Variants in GLG1 observed in about 807,000 individuals in gnomAD.
The protein encoded by GLG1 is golgi glycoprotein 1, also known as Golgi apparatus protein 1.
Under a neutral mutation model 160.5 loss-of-function variants are expected in GLG1, and 38 were observed. The ratio of observed to expected loss-of-function variants is 0.24; its 90% CI spans 0.18 to 0.31. GLG1 has a LOEUF of 0.31. Ranked by LOEUF, GLG1 falls within the 10% of genes least tolerant of loss-of-function variation. The pLI, the probability that GLG1 is intolerant of heterozygous loss-of-function variation, is 1.00. For missense variants in GLG1, 1,373 were observed against 1,505.2 expected (o/e 0.91, Z 1.45); for synonymous variants, 644 against 543.4 (o/e 1.19, Z -2.57).
At chr16:74,593,237 T>C (rs1958223063) in intron 1 of GLG1, among the ~76,000 whole-genome samples, 2 of 152,172 alleles carry the variant, frequency 1.3e-5, no homozygotes, top group South Asian at 2.1e-4. Context: ...AATTAACAGA[T>C]GGCATTACGT....
intron 1 of GLG1, among the ~76,000 whole-genome samples, chr16:74,582,785 A>G (rs1449857260): frequency 6.6e-6 from 1 of 151,936 alleles, no homozygotes; most frequent in African/African-American, 2.4e-5. Flanking sequence ...GCGCCACTGC[A>G]CTCCAGCCTG....
chr16:74,603,629 A>T (rs1424780525), intron 1 of GLG1, among the ~76,000 whole-genome samples: 3 of 151,878 alleles, frequency 2.0e-5, no homozygotes, highest in African/African-American at 7.3e-5. Context: ...TTCGAAATAC[A>T]AGACACTAGT....
Position 74,595,405 on chromosome 16 carries a change from C to T in GLG1, c.438+11252G>A, listed in dbSNP as rs556914984. Among the ~76,000 whole-genome samples, 52 of 151,694 alleles carry T rather than the reference C, an allele frequency of 3.4e-4. No homozygotes were observed. The South Asian group carries it at 0.01, about 30-fold the overall frequency. On this transcript the variant is annotated intron_variant, in intron 1 of 25. Transcript: ENST00000422840. ...ACAAAAAATTAGCCGGTCGTGGTGG[C>T]GGGCGCCTGTAGTCCCAGCTACTCT...
chr16:74,462,386 G>T, intron 21 of GLG1, 102 bp downstream of exon 21: 1 of 1,130,738 alleles, frequency 8.8e-7, no homozygotes, highest in Non-Finnish European at 1.3e-6. Context: ...ATATGAAAAA[G>T]GTCTTGGGAA....
Position 74,496,428 on chromosome 16 carries a change from T to C in GLG1, c.978+13A>G, listed in dbSNP as rs1445863977. ...ATAAAAGGAAGAAAAGAACAGTTTC[T>C]GAGCTGACTCACATTTTCACAAAAA... is the stretch of plus-strand genomic sequence containing the variant. On this transcript the variant is annotated intron_variant, in intron 5 of 25. Transcript: ENST00000422840. 6.4e-7 allele frequency: 1 copy of C among 1,561,318 alleles called. No homozygotes were observed. The highest frequency in any genetic ancestry group is 2.2e-5 in the East Asian group (1 of 44,552).
chr16:74,595,855 G>A (rs1320766618), intron 1 of GLG1, among the ~76,000 whole-genome samples: 1 of 152,118 alleles, frequency 6.6e-6, no homozygotes, highest in Non-Finnish European at 1.5e-5. Context: ...CAGGTACAGT[G>A]GCTCACGCTT....
Position 74,480,559 on chromosome 16 carries a change from T to G in GLG1, c.1674-165A>C, listed in dbSNP as rs191618041. Among the ~76,000 whole-genome samples the G allele has an allele frequency of 9.2e-5, 14 of 151,966 alleles. No homozygotes were observed. In the East Asian group the frequency reaches 2.7e-3, roughly 29 times the overall value. On this transcript the variant is annotated intron_variant, in intron 10 of 25. Coordinates refer to ENST00000422840, the MANE Select transcript of GLG1 (RefSeq NM_001145667.2). The stretch of plus-strand genomic sequence containing the variant: ...AGTATATTCCTGAATTTTGTTCTTT[T>G]GTTTTTTTTTTTTGACACAGGATCT...
intron 1 of GLG1, among the ~76,000 whole-genome samples, chr16:74,575,720 T>A (rs973236789): frequency 6.6e-6 from 1 of 152,230 alleles, no homozygotes; most frequent in Non-Finnish European, 1.5e-5. Flanking sequence ...TGCCTCAGCT[T>A]CCGCAGTAGC....
In GLG1 at chr16:74,599,904, G is replaced by C. The variant is rs145096640; in HGVS notation, c.438+6753C>G. 6.9e-3 allele frequency among the ~76,000 whole-genome samples: 1,035 copies of C among 151,004 alleles called. 8 individuals carry two copies. The highest frequency in any genetic ancestry group is 9.3e-3 in the Non-Finnish European group (629 of 67,856). On this transcript the variant is annotated intron_variant, in intron 1 of 25. Transcript: ENST00000422840. ...AAAAAATTAGCCAGGCATGGTGGCT[G>C]GTGCCTGTAATCCCTGCTACTAGAG...
At chr16:74,511,844 G>T (rs1050521764) in intron 2 of GLG1, among the ~76,000 whole-genome samples, 1 of 152,024 alleles carries the variant, frequency 6.6e-6, no homozygotes, top group Admixed American at 6.6e-5. Context: ...TGTTCTGACA[G>T]GCATAAATTT....
At chr16:74,486,430 A>G (rs996621020) in intron 8 of GLG1, among the ~76,000 whole-genome samples, 1 of 152,254 alleles carries the variant, frequency 6.6e-6, no homozygotes, top group African/African-American at 2.4e-5. Context: ...AGAAATATCA[A>G]TTACAAAAAA....
chr16:74,523,175 A>G (rs1193660403), intron 2 of GLG1, among the ~76,000 whole-genome samples: 2 of 152,220 alleles, frequency 1.3e-5, no homozygotes, highest in Non-Finnish European at 2.9e-5. Flanking sequence ...ATCTTTGCCA[A>G]TCTCCAAGTC....
chr16:74,469,704 C>G (rs2015128537), intron 16 of GLG1: 4 of 433,098 alleles, frequency 9.2e-6, no homozygotes, highest in Non-Finnish European at 1.3e-5. Flanking sequence ...CCCTGCTTCT[C>G]TAAGTACACA....
At chr16:74,481,826 C>T (rs755072310) in intron 10 of GLG1, among the ~76,000 whole-genome samples, 12 of 152,152 alleles carry the variant, frequency 7.9e-5, no homozygotes, top group Admixed American at 1.3e-4. Flanking sequence ...GCTCTGTCTC[C>T]CAGGCTGGAG....
intron 1 of GLG1, among the ~76,000 whole-genome samples, chr16:74,546,200 A>C (rs968494607): frequency 6.6e-6 from 1 of 152,170 alleles, no homozygotes; most frequent in African/African-American, 2.4e-5. Context: ...GCACTCTGGG[A>C]AGCTGAGGTG....
At chr16:74,468,671 AG>A (rs1425622985) in intron 17 of GLG1, 3 of 394,630 alleles carry the variant, frequency 7.6e-6, no homozygotes, top group Non-Finnish European at 1.4e-5. Flanking sequence ...CCAGCCCCTG[AG>A]GACATTACTG....
chr16:74,593,503 C>T (rs552129397), intron 1 of GLG1, among the ~76,000 whole-genome samples: 5 of 150,496 alleles, frequency 3.3e-5, no homozygotes, highest in Admixed American at 2.0e-4. Context: ...AACGCGATCT[C>T]CGCTCACTGC....
At chr16:74,590,247 C>A (rs12930686) in intron 1 of GLG1, among the ~76,000 whole-genome samples, 20,782 of 152,038 alleles carry the variant, frequency 0.14, 1,717 homozygotes, top group Middle Eastern at 0.2. Context: ...GATCCGCCCA[C>A]CTCGGCCTCC....
intron 1 of GLG1, among the ~76,000 whole-genome samples, chr16:74,600,751 A>C (rs1195984357): frequency 6.6e-6 from 1 of 150,926 alleles, no homozygotes; most frequent in Non-Finnish European, 1.5e-5. Flanking sequence ...AAAAAAAAAA[A>C]AAACAAAAAA....
Sources: allele counts gnomAD v4.1 joint callset (sites outside exome capture counted in the v4.1 genomes callset), GRCh38; gene constraint gnomAD v4.1.1; transcripts MANE v1.5; gene names NCBI Gene and HGNC (gene_info 2026-07-23, HGNC 2026-07-21).